The following MARCHF3 variants were observed in gnomAD, a reference collection of about 807,000 sequenced individuals.
The protein encoded by MARCHF3 is membrane associated ring-CH-type finger 3.
Under a neutral mutation model 24.2 loss-of-function variants are expected in MARCHF3, and 13 were observed. The ratio of observed to expected loss-of-function variants is 0.54; its 90% CI spans 0.35 to 0.85. The LOEUF is 0.85. Among genes scored for constraint, MARCHF3 ranks in the 40% least tolerant of loss-of-function variants. MARCHF3 has a pLI of 0.01. For missense variants in MARCHF3, 276 were observed against 325.0 expected, an observed-to-expected ratio of 0.85 and a Z score of 1.16; for synonymous variants, 144 against 137.3, an observed-to-expected ratio of 1.05 and a Z score of -0.34.
Position 126,983,652 on chromosome 5 carries a change from G to A in MARCHF3, c.-57+46698C>T, listed in dbSNP as rs57691405. ...CTACCAATTTATGATTTATGATGCT[G>A]AGGTCAGTCCACTGGGGCTCAGACG... is the stretch of plus-strand genomic sequence containing the variant. On this transcript the variant is annotated intron_variant, in intron 1 of 4. Transcript: ENST00000308660. Among the ~76,000 whole-genome samples, 1,143 of 152,268 alleles carry A rather than the reference G, an allele frequency of 7.5e-3. 17 individuals carry two copies. The highest frequency in any genetic ancestry group is 0.021 in the African/African-American group (873 of 41,538).
chr5:126,941,939 T>C (rs1749843025), intron 1 of MARCHF3, among the ~76,000 whole-genome samples: 2 of 152,210 alleles, frequency 1.3e-5, no homozygotes, highest in Admixed American at 1.3e-4. Context: ...AGTATGCTCA[T>C]TCCTGGTTTA....
intron 4 of MARCHF3, among the ~76,000 whole-genome samples, 172 bp downstream of exon 4, chr5:126,878,013 A>AACAC (rs3841139): frequency 1.3e-5 from 2 of 151,224 alleles, no homozygotes; most frequent in African/African-American, 2.4e-5. Context: ...CACACAGACA[A>AACAC]ACACACACAC....
intron 3 of MARCHF3, among the ~76,000 whole-genome samples, chr5:126,900,620 AT>A (rs61171852): frequency 0.99 from 149,860 of 152,026 alleles, 73,925 homozygotes; most frequent in South Asian, 1. Flanking sequence ...ACAGTATTTC[AT>A]TTATAGTAGC....
intron 1 of MARCHF3, among the ~76,000 whole-genome samples, chr5:126,926,275 C>G (rs1749295095): frequency 6.6e-6 from 1 of 152,190 alleles, no homozygotes; most frequent in Non-Finnish European, 1.5e-5. Context: ...TACAGGGAGG[C>G]TGCAGTCTTG....
At chr5:126,910,890 T>C (rs1019652155) in intron 3 of MARCHF3, among the ~76,000 whole-genome samples, 21 of 152,214 alleles carry the variant, frequency 1.4e-4, no homozygotes, top group African/African-American at 5.1e-4. Flanking sequence ...GGGAGAAATA[T>C]CGCTGAATTC....
chr5:127,028,267 A>G (rs1441679505), intron 1 of MARCHF3, among the ~76,000 whole-genome samples: 1 of 152,222 alleles, frequency 6.6e-6, no homozygotes, highest in Non-Finnish European at 1.5e-5. Context: ...TTTTGTCACT[A>G]AAGTAATTGT....
intron 3 of MARCHF3, among the ~76,000 whole-genome samples, chr5:126,906,442 G>C (rs1395898626): frequency 6.6e-6 from 1 of 152,134 alleles, no homozygotes; most frequent in Admixed American, 6.5e-5. Flanking sequence ...GAATCCATCT[G>C]GTCCTGGACT....
At chr5:126,954,818 C>G (rs1750385604) in intron 1 of MARCHF3, among the ~76,000 whole-genome samples, 1 of 151,710 alleles carries the variant, frequency 6.6e-6, no homozygotes, top group South Asian at 2.1e-4. Context: ...CAGAGGTAAA[C>G]TTAAGTCTCC....
chr5:127,028,832 G>A (rs1753083617), intron 1 of MARCHF3, among the ~76,000 whole-genome samples: 2 of 152,128 alleles, frequency 1.3e-5, no homozygotes. Context: ...TTCAAGTTCA[G>A]GCCAAATATT....
At chr5:126,904,815 T>C (rs1406711834) in intron 3 of MARCHF3, among the ~76,000 whole-genome samples, 36 of 151,586 alleles carry the variant, frequency 2.4e-4, no homozygotes, top group African/African-American at 8.5e-4. Flanking sequence ...GCTCTTTAGT[T>C]CAATTAGATC....
intron 3 of MARCHF3, among the ~76,000 whole-genome samples, chr5:126,886,904 A>T (rs73335454): frequency 0.016 from 2,400 of 152,200 alleles, 61 homozygotes; most frequent in African/African-American, 0.052. Flanking sequence ...CCCTATATCC[A>T]GTCTATCAGC....
intron 1 of MARCHF3, among the ~76,000 whole-genome samples, chr5:126,952,918 G>T (rs1750303276): frequency 6.6e-6 from 1 of 152,094 alleles, no homozygotes; most frequent in African/African-American, 2.4e-5. Flanking sequence ...TGAAAACAAA[G>T]AACATTTCAA....
intron 1 of MARCHF3, among the ~76,000 whole-genome samples, chr5:126,945,587 TG>T (rs143238350): frequency 0.011 from 1,684 of 152,098 alleles, 37 homozygotes; most frequent in African/African-American, 0.039. Flanking sequence ...GTGGGCCAGG[TG>T]GGAGGGAGAA....
chr5:126,912,163 C>T (rs1240459336), intron 3 of MARCHF3, among the ~76,000 whole-genome samples: 1 of 152,092 alleles, frequency 6.6e-6, no homozygotes, highest in African/African-American at 2.4e-5. Flanking sequence ...GGGTTCCTGC[C>T]CAGTTAAAAA....
chr5:126,962,813 C>CTGTGTGTG (rs60754212), intron 1 of MARCHF3, among the ~76,000 whole-genome samples: 1 of 110,022 alleles, frequency 9.1e-6, no homozygotes. Flanking sequence ...AATACTCAAC[C>CTGTGTGTG]TGTGTGTGTG....
intron 1 of MARCHF3, among the ~76,000 whole-genome samples, chr5:126,933,569 C>T (rs867482313): frequency 1.3e-5 from 2 of 151,952 alleles, no homozygotes; most frequent in Non-Finnish European, 2.9e-5. Flanking sequence ...ATAAGCCTCC[C>T]GAGTAGCTGG....
At chr5:126,902,873 C>T (rs1177811708) in intron 3 of MARCHF3, among the ~76,000 whole-genome samples, 1 of 152,038 alleles carries the variant, frequency 6.6e-6, no homozygotes, top group African/African-American at 2.4e-5. Context: ...AGTATGGTTC[C>T]ACGAGTCCAC....
chr5:126,906,238 T>C (rs1231360088), intron 3 of MARCHF3, among the ~76,000 whole-genome samples: 1 of 151,874 alleles, frequency 6.6e-6, no homozygotes, highest in African/African-American at 2.4e-5. Context: ...TTGAGGATTT[T>C]TGCATCAATG....
At chr5:126,871,548 T>C (rs1340951370) in intron 4 of MARCHF3, among the ~76,000 whole-genome samples, 1 of 152,228 alleles carries the variant, frequency 6.6e-6, no homozygotes, top group Non-Finnish European at 1.5e-5. Flanking sequence ...TAGAAGCATC[T>C]TGAGAGCAGG....
Sources: allele counts gnomAD v4.1 joint callset (sites outside exome capture counted in the v4.1 genomes callset), GRCh38; gene constraint gnomAD v4.1.1; transcripts MANE v1.5; gene names NCBI Gene and HGNC (gene_info 2026-07-23, HGNC 2026-07-21).